XKR4: variants seen among roughly 807,000 people sequenced by gnomAD.
XKR4 encodes XK related 4, also known as XK-related protein 4.
In XKR4, 12 loss-of-function variants were observed where a neutral mutation model predicts 53.9. That is an observed-to-expected ratio of 0.22 (90% confidence interval 0.14 to 0.36). The LOEUF (loss-of-function observed/expected upper bound fraction) is 0.36, where lower values mean the gene tolerates loss of function less well. Among genes scored for constraint, XKR4 ranks in the 10% least tolerant of loss-of-function variants. The probability of loss-of-function intolerance (pLI) is 1.00; values close to 1 mark genes in which losing one functional copy is unlikely to be tolerated. For synonymous variants in XKR4, 354 were observed against 362.4 expected, an observed-to-expected ratio of 0.98 and a Z score of 0.26; for missense variants, 799 against 859.5, an observed-to-expected ratio of 0.93 and a Z score of 0.88.
chr8:55,429,947 A>T (rs759520666), intron 2 of XKR4, among the ~76,000 whole-genome samples: 6 of 152,166 alleles, frequency 3.9e-5, no homozygotes, highest in Non-Finnish European at 7.4e-5. Context: ...CAATAAAAAA[A>T]CCCAAATAAT....
intron 1 of XKR4, 133 bp downstream of exon 1, chr8:55,103,427 C>A: frequency 7.0e-7 from 1 of 1,428,534 alleles, no homozygotes; most frequent in Non-Finnish European, 9.1e-7. Flanking sequence ...TTTTGGGTTT[C>A]TTTTGAACTG....
In XKR4 at chr8:55,248,122, T is replaced by A. The variant is rs183495631; in HGVS notation, c.807-109556T>A. Among the ~76,000 whole-genome samples, 8 of 152,194 alleles carry A rather than the reference T, an allele frequency of 5.3e-5. No homozygotes were observed. In the East Asian group the frequency reaches 1.5e-3, roughly 29 times the overall value. On this transcript the variant is annotated intron_variant, in intron 1 of 2. Coordinates refer to ENST00000327381, the MANE Select transcript of XKR4 (RefSeq NM_052898.2). ...CACCCACCTTGACCTCCCAAAGTGC[T>A]GGGATTACAGGCGTGAGCCACCATG...
In XKR4 at chr8:55,539,449, T is replaced by C. The variant is rs896546923; in HGVS notation, c.*15222T>C. 2.0e-5 allele frequency: 3 copies of C among 152,208 alleles called. No individual in the cohort carries two copies. The allele number at this position is 152,208 out of a possible 1,614,324, so 9.4% of individuals were successfully genotyped here. ...CATAAGATACGCACTCAATATAATCTCTTCTGGATTCTAAAATCTAATTGG... is the reference window on the plus strand; with the variant it reads ...CATAAGATACGCACTCAATATAATCCCTTCTGGATTCTAAAATCTAATTGG... On this transcript the variant is annotated 3_prime_UTR_variant, in exon 3 of 3. Coordinates refer to ENST00000327381, the MANE Select transcript of XKR4 (RefSeq NM_052898.2).
chr8:55,494,625 C>T (rs1806315950), intron 2 of XKR4, among the ~76,000 whole-genome samples: 2 of 152,110 alleles, frequency 1.3e-5, no homozygotes, highest in Non-Finnish European at 2.9e-5. Flanking sequence ...GTTCAGCTCT[C>T]AGCAGAGAGG....
At chr8:55,233,139 G>A (rs1429230955) in intron 1 of XKR4, among the ~76,000 whole-genome samples, 2 of 152,130 alleles carry the variant, frequency 1.3e-5, no homozygotes, top group East Asian at 1.9e-4. Context: ...AATTGAAAGG[G>A]GGAATTCATT....
At chr8:55,391,302 T>C (rs1028189323) in intron 2 of XKR4, among the ~76,000 whole-genome samples, 1 of 152,218 alleles carries the variant, frequency 6.6e-6, no homozygotes, top group Non-Finnish European at 1.5e-5. Context: ...AAGTGATATT[T>C]ACACAAGTTT....
intron 1 of XKR4, among the ~76,000 whole-genome samples, chr8:55,127,398 A>G (rs1816483299): frequency 6.6e-6 from 1 of 151,722 alleles, no homozygotes; most frequent in Non-Finnish European, 1.5e-5. Context: ...GATTACAGGC[A>G]TGCACCACCA....
intron 2 of XKR4, among the ~76,000 whole-genome samples, chr8:55,372,963 C>T (rs1280958656): frequency 1.3e-5 from 2 of 152,102 alleles, no homozygotes; most frequent in African/African-American, 2.4e-5. Context: ...GGTATGTAAA[C>T]GTTTGTTAGG....
At chr8:55,448,717 A>G (rs1195355031) in intron 2 of XKR4, among the ~76,000 whole-genome samples, 1 of 152,246 alleles carries the variant, frequency 6.6e-6, no homozygotes, top group Admixed American at 6.5e-5. Flanking sequence ...AACAATAATC[A>G]ACTAAAATGC....
chr8:55,178,759 A>G (rs1817267513), intron 1 of XKR4, among the ~76,000 whole-genome samples: 1 of 152,220 alleles, frequency 6.6e-6, no homozygotes, highest in African/African-American at 2.4e-5. Flanking sequence ...AGTTGGAAAA[A>G]CCTTTTGGAA....
At chr8:55,453,678 G>A in intron 2 of XKR4, 1 of 410,430 alleles carries the variant, frequency 2.4e-6, no homozygotes. Context: ...AAGGGCCGGG[G>A]CGCCCATCTC....
intron 1 of XKR4, among the ~76,000 whole-genome samples, chr8:55,176,579 C>A (rs575436218): frequency 3.9e-5 from 6 of 152,268 alleles, no homozygotes; most frequent in African/African-American, 1.4e-4. Flanking sequence ...TAGTAGGCAC[C>A]AGACACGCAC....
intron 1 of XKR4, among the ~76,000 whole-genome samples, chr8:55,354,302 A>G (rs1260059577): frequency 3.3e-5 from 5 of 152,200 alleles, no homozygotes; most frequent in African/African-American, 1.2e-4. Flanking sequence ...CAGTGCAACC[A>G]AATCTGATGC....
chr8:55,191,344 A>G (rs761707714), intron 1 of XKR4, among the ~76,000 whole-genome samples: 5 of 152,168 alleles, frequency 3.3e-5, no homozygotes, highest in Non-Finnish European at 7.3e-5. Flanking sequence ...TGGTAATAAT[A>G]TGTGTTCAAT....
At chr8:55,289,574 A>G (rs1818954350) in intron 1 of XKR4, among the ~76,000 whole-genome samples, 1 of 111,198 alleles carries the variant, frequency 9.0e-6, no homozygotes, top group Non-Finnish European at 1.9e-5. Context: ...GGAAGGAGAG[A>G]GAAAGGAAGA....
At chr8:55,226,230 C>T (rs752896096) in intron 1 of XKR4, among the ~76,000 whole-genome samples, 3 of 151,912 alleles carry the variant, frequency 2.0e-5, no homozygotes, top group Admixed American at 6.6e-5. Context: ...CAGGAAATGC[C>T]GGAAATGTGG....
chr8:55,478,004 T>C (rs1457088860), intron 2 of XKR4, among the ~76,000 whole-genome samples: 1 of 152,014 alleles, frequency 6.6e-6, no homozygotes. Flanking sequence ...CAGGAGAACT[T>C]CCCCAATCTA....
intron 1 of XKR4, among the ~76,000 whole-genome samples, chr8:55,355,363 T>C (rs556812986): frequency 6.6e-5 from 10 of 152,170 alleles, no homozygotes; most frequent in South Asian, 2.1e-4. Context: ...AAGAAACTGT[T>C]AGACACAGAA....
intron 1 of XKR4, among the ~76,000 whole-genome samples, chr8:55,356,927 ATAGT>A (rs1803803566): frequency 6.6e-6 from 1 of 152,186 alleles, no homozygotes; most frequent in Admixed American, 6.5e-5. Flanking sequence ...AACTTAATAG[ATAGT>A]TAATAATTTT....
Sources: allele counts gnomAD v4.1 joint callset (sites outside exome capture counted in the v4.1 genomes callset), GRCh38; gene constraint gnomAD v4.1.1; transcripts MANE v1.5; gene names NCBI Gene and HGNC (gene_info 2026-07-23, HGNC 2026-07-21).